Variants in PCDH9 observed in about 807,000 individuals in gnomAD.
PCDH9 encodes the protein protocadherin-9.
PCDH9 carries 24 observed loss-of-function variants against 70.6 expected under a neutral mutation model. The ratio of observed to expected loss-of-function variants is 0.34; its 90% CI spans 0.25 to 0.48. PCDH9 has a LOEUF of 0.48. Among genes scored for constraint, PCDH9 ranks in the 20% least tolerant of loss-of-function variants. PCDH9 has a pLI of 0.99. For missense variants in PCDH9, 1,281 were observed against 1,503.6 expected (o/e 0.85, Z 2.45); for synonymous variants, 562 against 558.5 (o/e 1.01, Z -0.09).
intron 2 of PCDH9, among the ~76,000 whole-genome samples, chr13:66,937,561 G>C (rs1166808099): frequency 6.6e-6 from 1 of 152,186 alleles, no homozygotes; most frequent in Non-Finnish European, 1.5e-5. Context: ...AGTATGACCT[G>C]AGTAGTACTC....
intron 2 of PCDH9, among the ~76,000 whole-genome samples, chr13:67,015,159 G>A (rs2084534560): frequency 6.6e-6 from 1 of 152,024 alleles, no homozygotes; most frequent in Admixed American, 6.6e-5. Flanking sequence ...GTCTGCATTG[G>A]TAACTCTTTT....
At chr13:67,120,908 T>TC (rs1412984589) in intron 2 of PCDH9, among the ~76,000 whole-genome samples, 2 of 151,678 alleles carry the variant, frequency 1.3e-5, no homozygotes, top group Non-Finnish European at 2.9e-5. Flanking sequence ...TTTGAGGAAG[T>TC]CACTTGGGCC....
intron 4 of PCDH9, among the ~76,000 whole-genome samples, chr13:66,547,922 T>C (rs951907049): frequency 8.2e-5 from 12 of 147,188 alleles, no homozygotes; most frequent in African/African-American, 2.7e-4. Flanking sequence ...TATTTAATCA[T>C]ATTATATAAT....
chr13:66,620,708 CT>C (rs2077411690), intron 4 of PCDH9, among the ~76,000 whole-genome samples: 3 of 148,926 alleles, frequency 2.0e-5, no homozygotes, highest in Admixed American at 1.3e-4. Flanking sequence ...TTTTTTTTGT[CT>C]TTTTTTATGG....
chr13:66,744,608 G>A (rs1268878663), intron 3 of PCDH9, among the ~76,000 whole-genome samples: 5 of 151,884 alleles, frequency 3.3e-5, no homozygotes, highest in Non-Finnish European at 5.9e-5. Flanking sequence ...GATATATTAA[G>A]CAAATGCTAA....
intron 4 of PCDH9, among the ~76,000 whole-genome samples, chr13:66,321,044 A>G (rs953846005): frequency 2.6e-5 from 4 of 152,118 alleles, no homozygotes; most frequent in African/African-American, 4.8e-5. Flanking sequence ...TGGATATGCT[A>G]CAAACACCTC....
intron 3 of PCDH9, among the ~76,000 whole-genome samples, chr13:66,790,821 G>C (rs1781792352): frequency 6.6e-6 from 1 of 151,840 alleles, no homozygotes; most frequent in Non-Finnish European, 1.5e-5. Flanking sequence ...CTTTATACAG[G>C]ATTAAAAAAG....
chr13:67,158,954 G>T (rs1007715104), intron 2 of PCDH9, among the ~76,000 whole-genome samples: 4 of 152,236 alleles, frequency 2.6e-5, no homozygotes, highest in Admixed American at 6.5e-5. Flanking sequence ...GTAGACTAAA[G>T]CACTATCAAA....
chr13:67,082,000 T>C (rs1388163105), intron 2 of PCDH9, among the ~76,000 whole-genome samples: 1 of 152,188 alleles, frequency 6.6e-6, no homozygotes. Context: ...AAATGTACAC[T>C]TGTAAAACCA....
chr13:66,979,425 T>C (rs1216779872), intron 2 of PCDH9, among the ~76,000 whole-genome samples: 1 of 152,184 alleles, frequency 6.6e-6, no homozygotes, highest in Non-Finnish European at 1.5e-5. Context: ...TTATTCATTA[T>C]AAACAGTGAA....
At chr13:66,631,114 A>G (rs536859186) in intron 4 of PCDH9, 96 bp downstream of exon 4, 11 of 680,208 alleles carry the variant, frequency 1.6e-5, no homozygotes, top group Non-Finnish European at 2.4e-5. Flanking sequence ...AAATAACTAA[A>G]TGTTCATCCT....
At chr13:66,711,429 A>G (rs192554947) in intron 3 of PCDH9, among the ~76,000 whole-genome samples, 91 of 152,110 alleles carry the variant, frequency 6.0e-4, no homozygotes, top group African/African-American at 2.1e-3. Context: ...TACAACAACC[A>G]AAGTATTGCA....
chr13:66,827,691 T>A (rs2080849867), intron 3 of PCDH9, among the ~76,000 whole-genome samples: 1 of 152,166 alleles, frequency 6.6e-6, no homozygotes, highest in African/African-American at 2.4e-5. Flanking sequence ...TGGATAAACT[T>A]ACACAAAGAT....
intron 3 of PCDH9, among the ~76,000 whole-genome samples, chr13:66,657,932 C>G (rs186404831): frequency 1.3e-5 from 2 of 152,072 alleles, no homozygotes; most frequent in African/African-American, 4.8e-5. Flanking sequence ...GTTGAAAATT[C>G]ACAAAATAAA....
intron 2 of PCDH9, among the ~76,000 whole-genome samples, chr13:67,055,078 T>C (rs560438089): frequency 1.3e-5 from 2 of 152,332 alleles, no homozygotes; most frequent in South Asian, 4.1e-4. Flanking sequence ...CAATTTCCAT[T>C]TTATGGATTA....
At chr13:66,525,823 C>G (rs1308130911) in intron 4 of PCDH9, among the ~76,000 whole-genome samples, 1 of 152,124 alleles carries the variant, frequency 6.6e-6, no homozygotes, top group Non-Finnish European at 1.5e-5. Context: ...TTTCAAATCC[C>G]CCAGCTTTCA....
intron 4 of PCDH9, among the ~76,000 whole-genome samples, chr13:66,473,715 C>T (rs771048213): frequency 4.6e-5 from 7 of 152,112 alleles, no homozygotes; most frequent in Non-Finnish European, 1.0e-4. Context: ...TTTTCTAAAG[C>T]GAGCTAAAGC....
At chr13:67,019,338 T>C (rs939260888) in intron 2 of PCDH9, among the ~76,000 whole-genome samples, 2 of 151,452 alleles carry the variant, frequency 1.3e-5, no homozygotes, top group African/African-American at 4.9e-5. Context: ...GGACTACAGG[T>C]GCCCGCCACC....
intron 2 of PCDH9, among the ~76,000 whole-genome samples, chr13:66,922,181 T>A (rs1271340874): frequency 2.0e-5 from 3 of 151,278 alleles, no homozygotes; most frequent in African/African-American, 7.3e-5. Context: ...TGTGAATTGA[T>A]TAAACAATTG....
Sources: allele counts gnomAD v4.1 joint callset (sites outside exome capture counted in the v4.1 genomes callset), GRCh38; gene constraint gnomAD v4.1.1; transcripts MANE v1.5; gene names NCBI Gene and HGNC (gene_info 2026-07-23, HGNC 2026-07-21).